Variants in ARHGEF16 observed in about 807,000 individuals in gnomAD.
ARHGEF16 encodes the protein Rho guanine exchange factor (GEF) 16.
ARHGEF16 carries 59 observed loss-of-function variants against 74.1 expected under a neutral mutation model. The observed-to-expected ratio is 0.80, with a 90% CI of 0.65 to 0.99. The LOEUF is 0.99. ARHGEF16 is among the 50% of genes least tolerant of loss of function. The pLI is 0.00. For synonymous variants in ARHGEF16, 415 were observed against 412.6 expected, an observed-to-expected ratio of 1.01 and a Z score of -0.07; for missense variants, 948 against 986.6, an observed-to-expected ratio of 0.96 and a Z score of 0.52.
At chr1:3,467,441 C>G (rs1477841835) in intron 4 of ARHGEF16, 104 bp downstream of exon 4, 1 of 1,325,528 alleles carries the variant, frequency 7.5e-7, no homozygotes, top group Non-Finnish European at 1.0e-6. Context: ...CCAGCAGCAG[C>G]CCAGTCCTCC....
chr1:3,474,948 C>A (rs554201081), intron 9 of ARHGEF16, among the ~76,000 whole-genome samples, 166 bp downstream of exon 9: 62 of 151,722 alleles, frequency 4.1e-4, no homozygotes, highest in Middle Eastern at 3.4e-3. Flanking sequence ...GACAGGGAAA[C>A]TGAGGCCCAG....
At chr1:3,456,155 G>A (rs973514846) in intron 1 of ARHGEF16, among the ~76,000 whole-genome samples, 1 of 152,158 alleles carries the variant, frequency 6.6e-6, no homozygotes, top group Admixed American at 6.5e-5. Flanking sequence ...CCCTGAGGTC[G>A]CTGGCTCTTC....
At chr1:3,478,282 G>A in intron 11 of ARHGEF16, 142 bp from the exon 12 acceptor site, 4 of 1,017,120 alleles carry the variant, frequency 3.9e-6, no homozygotes, top group Non-Finnish European at 5.8e-6. Context: ...CCTCTGTTCT[G>A]TGGGACGCGG....
In ARHGEF16 at chr1:3,478,534, T is replaced by C. The variant is rs758867671; in HGVS notation, c.1736T>C (p.Val579Ala). 6 of 1,612,648 alleles carry C rather than the reference T, an allele frequency of 3.7e-6. No individual in the cohort carries two copies. The highest frequency in any genetic ancestry group is 2.2e-5 in the South Asian group (2 of 91,082). The change falls in exon 12 of 15, where the codon GTG (valine) becomes GCG (alanine). Residue 579 changes from valine (V) to alanine (A), a missense_variant. Transcript: ENST00000378378. ...GGGGGCGGCAACCGTAGCTCCTCCG[T>C]GCCCCACCCCTTCCAGGTGACCCTG... is the stretch of plus-strand genomic sequence containing the variant. ...LPGGGNRSSS[V>A]PHPFQVTLLR... is the part of the protein sequence containing the mutation.
At chr1:3,469,701 T>C in intron 6 of ARHGEF16, 108 bp downstream of exon 6, 1 of 1,433,630 alleles carries the variant, frequency 7.0e-7, no homozygotes. Flanking sequence ...GCGCTGCACC[T>C]TGATGTGGAT....
At chr1:3,466,302 A>C in intron 3 of ARHGEF16, 109 bp downstream of exon 3, 1 of 1,212,228 alleles carries the variant, frequency 8.2e-7, no homozygotes, top group Non-Finnish European at 1.1e-6. Flanking sequence ...GGGGTCACCA[A>C]AGCTGCTTGA....
In ARHGEF16 at chr1:3,479,546, TCA is replaced by T. The variant is rs767889207; in HGVS notation, c.1851_1852del (p.His617GlnfsTer2). 16 of 1,612,524 alleles carry T rather than the reference TCA, an allele frequency of 9.9e-6. No homozygotes were observed. In the Middle Eastern group the frequency reaches 5.0e-4, roughly 50 times the overall value. On this transcript the variant is annotated frameshift_variant, in exon 13 of 15. Transcript: ENST00000378378. LOFTEE classifies it high-confidence loss of function. ...GACCGGGCACGGTGGATCGTGGCGC[TCA>T]CACACAGTGAGAGACAGTGGCAGGG...
At chr1:3,472,149 G>A (rs1259794419) in intron 6 of ARHGEF16, among the ~76,000 whole-genome samples, 1 of 152,234 alleles carries the variant, frequency 6.6e-6, no homozygotes, top group Admixed American at 6.5e-5. Context: ...AGGACCTCCT[G>A]TGGCGGCGGC....
intron 4 of ARHGEF16, among the ~76,000 whole-genome samples, chr1:3,467,638 G>A (rs764001695): frequency 6.6e-6 from 1 of 152,190 alleles, no homozygotes; most frequent in East Asian, 1.9e-4. Context: ...CAGGGCCCCC[G>A]CCCCAGGAGA....
At chr1:3,473,650 AG>A in intron 8 of ARHGEF16, 128 bp downstream of exon 8, 1 of 1,446,292 alleles carries the variant, frequency 6.9e-7, no homozygotes, top group Non-Finnish European at 9.4e-7. Flanking sequence ...ATATTGTAAT[AG>A]TTACGATCCT....
At chr1:3,465,258 G>T (rs904703938) in intron 2 of ARHGEF16, among the ~76,000 whole-genome samples, 1 of 152,250 alleles carries the variant, frequency 6.6e-6, no homozygotes, top group Non-Finnish European at 1.5e-5. Context: ...GGCCTCCAGC[G>T]CAGGGAGAAT....
chr1:3,463,573 G>A lies in ARHGEF16; in HGVS notation c.489G>A (p.Lys163=), dbSNP rs1639463444. Residue 163 remains lysine, a synonymous_variant, in exon 2 of 15, where the codon AAG becomes AAA. Transcript: ENST00000378378. ...SYRAAMKGLG[K]PGGQGDAIQL... Reference sequence around the variant, plus strand: ...GGGCGGCCATGAAGGGCCTGGGGAAGCCAGGTGGCCAGGGAGATGCCATCC... The same window carrying A: ...GGGCGGCCATGAAGGGCCTGGGGAAACCAGGTGGCCAGGGAGATGCCATCC... 1 of 1,450,526 alleles carries A rather than the reference G, an allele frequency of 6.9e-7. No homozygotes were observed. The highest frequency in any genetic ancestry group is 1.4e-5 in the African/African-American group (1 of 69,762). The allele number at this position is 1,450,526 out of a possible 1,614,324, so 89.9% of individuals were successfully genotyped here. A position where few individuals can be genotyped will look rare whatever the true frequency, so the allele number is the denominator to read the frequency against.
chr1:3,473,383 C>T lies in ARHGEF16; in HGVS notation c.1176-10C>T, dbSNP rs1156821061. 3 of 1,600,358 alleles carry T rather than the reference C, an allele frequency of 1.9e-6. No homozygotes were observed. The highest frequency in any genetic ancestry group is 1.3e-5 in the African/African-American group (1 of 74,794). The stretch of plus-strand genomic sequence containing the variant: ...GCAGAGCCTGGAAGGACAGCCTTGT[C>T]CTCTTGCAGAAGCAGCAACGCCGCC... On this transcript the variant is annotated splice_polypyrimidine_tract_variant and intron_variant, in intron 7 of 14. Coordinates refer to ENST00000378378, the MANE Select transcript of ARHGEF16 (RefSeq NM_014448.4).
chr1:3,473,996 A>C, intron 8 of ARHGEF16: 1 of 241,584 alleles, frequency 4.1e-6, no homozygotes, highest in South Asian at 5.9e-5. Context: ...TGAGGGTGAA[A>C]GGTGTACACA....
rs753224354 is a variant in ARHGEF16 at position 3,473,239 on chromosome 1, G to A, written c.1175+9G>A. ...ACGCTGCAGAAGCTGATGTGAGTGG[G>A]CGGCCCCGAGGCCCGCAGGGTGGCT... On this transcript the variant is annotated intron_variant, in intron 7 of 14. Coordinates refer to ENST00000378378, the MANE Select transcript of ARHGEF16 (RefSeq NM_014448.4). 2 of 1,612,222 alleles carry A rather than the reference G, an allele frequency of 1.2e-6. No homozygotes were observed. Among genetic ancestry groups the A allele is most frequent in the South Asian group, 2.2e-5 (2 of 90,990 alleles).
chr1:3,456,007 C>A (rs1474433246), intron 1 of ARHGEF16, among the ~76,000 whole-genome samples: 2 of 152,146 alleles, frequency 1.3e-5, no homozygotes, highest in African/African-American at 4.8e-5. Flanking sequence ...CACTCCTCAC[C>A]CACCCCAGTC....
rs747558338 is a variant in ARHGEF16 at position 3,473,635 on chromosome 1, C to G, written c.1305+113C>G. ...TGTGACCTTCTCCTCCAGGCTTGGC[C>G]TATGATATTGTAATAGTTACGATCC... On this transcript the variant is annotated intron_variant, in intron 8 of 14. Transcript: ENST00000378378. 5.9e-6 allele frequency: 9 copies of G among 1,524,422 alleles called. No individual in the cohort carries two copies. The Admixed American group carries it at 1.1e-4, about 18-fold the overall frequency. The allele number at this position is 1,524,422 out of a possible 1,614,324, so 94.4% of individuals were successfully genotyped here. A position where few individuals can be genotyped will look rare whatever the true frequency, so the allele number is the denominator to read the frequency against.
chr1:3,461,701 C>T (rs375038587), intron 1 of ARHGEF16, among the ~76,000 whole-genome samples: 24 of 152,198 alleles, frequency 1.6e-4, no homozygotes, highest in Non-Finnish European at 3.5e-4. Flanking sequence ...ACAACAGCCC[C>T]GCAAAGTGCC....
intron 6 of ARHGEF16, among the ~76,000 whole-genome samples, chr1:3,471,367 C>T (rs1450930460): frequency 1.3e-5 from 2 of 152,070 alleles, no homozygotes; most frequent in Non-Finnish European, 2.9e-5. Flanking sequence ...TATATCAGCC[C>T]CGCCCCTGGC....
Sources: gnomAD v4.1 joint callset for allele counts (sites outside exome capture counted in the v4.1 genomes callset) on GRCh38, gnomAD v4.1.1 for gene constraint, MANE v1.5 for transcripts, NCBI Gene and HGNC (gene_info 2026-07-23, HGNC 2026-07-21) for gene names.